Variants in MEI4 observed in about 807,000 individuals in gnomAD.
MEI4 encodes meiosis-specific protein MEI4.
A neutral mutation model predicts 31.4 loss-of-function variants in MEI4; 27 were observed. That is an observed-to-expected ratio of 0.86 (90% CI 0.63 to 1.19). The LOEUF is 1.19. Ranked by LOEUF, MEI4 falls within the 50% of genes most tolerant of loss-of-function variation. The probability of loss-of-function intolerance (pLI) is 0.00; values close to 1 mark genes in which losing one functional copy is unlikely to be tolerated. For synonymous variants in MEI4, 122 were observed against 145.4 expected, an observed-to-expected ratio of 0.84 and a Z score of 1.16; for missense variants, 329 against 398.9, an observed-to-expected ratio of 0.82 and a Z score of 1.49.
In MEI4 at chr6:77,790,067, A is replaced by G. The variant is rs562435890; in HGVS notation, c.768+28402A>G. Among the ~76,000 whole-genome samples the G allele has an allele frequency of 6.7e-4, 102 of 152,110 alleles. No homozygotes were observed. In the South Asian group the frequency reaches 0.011, roughly 17 times the overall value. Reference sequence around the variant, plus strand: ...TGGCACATATACACCATGGAATACTATGCAGCCATAAAAAATGATGAGTTC... The same window carrying G: ...TGGCACATATACACCATGGAATACTGTGCAGCCATAAAAAATGATGAGTTC... On this transcript the variant is annotated intron_variant, in intron 3 of 4. Coordinates refer to ENST00000684080, the MANE Select transcript of MEI4 (RefSeq NM_001322247.2).
In MEI4 at chr6:77,923,875, T is replaced by G. The variant is rs1001201061; in HGVS notation, c.*529T>G. The stretch of plus-strand genomic sequence containing the variant: ...ATAGAAGTAGAACTTTTTTAACATT[T>G]GGAAACTTAATTGCTTTTTATTTAT... On this transcript the variant is annotated 3_prime_UTR_variant, in exon 5 of 5. Transcript: ENST00000684080. 2.0e-5 allele frequency: 3 copies of G among 151,834 alleles called. No individual in the cohort carries two copies. Among genetic ancestry groups the G allele is most frequent in the African/African-American group, 7.2e-5 (3 of 41,418 alleles). 9.4% of individuals were successfully genotyped at this position (151,834 alleles called of 1,614,324 possible). A position where few individuals can be genotyped will look rare whatever the true frequency, so the allele number is the denominator to read the frequency against.
At chr6:77,714,138 A>G (rs1262229203) in intron 2 of MEI4, among the ~76,000 whole-genome samples, 1 of 151,944 alleles carries the variant, frequency 6.6e-6, no homozygotes, top group Non-Finnish European at 1.5e-5. Context: ...TTTATAATTG[A>G]GGGGCATTTA....
At chr6:77,790,692 C>G (rs1467850540) in intron 3 of MEI4, among the ~76,000 whole-genome samples, 1 of 152,068 alleles carries the variant, frequency 6.6e-6, no homozygotes, top group African/African-American at 2.4e-5. Flanking sequence ...TTTTGAGACT[C>G]ATGATCATAC....
chr6:77,699,831 T>C (rs1766170181), intron 2 of MEI4, among the ~76,000 whole-genome samples: 1 of 152,166 alleles, frequency 6.6e-6, no homozygotes, highest in Non-Finnish European at 1.5e-5. Context: ...TGTTGGAGTT[T>C]GCTGGAGGTC....
At chr6:77,831,230 A>T (rs1770071080) in intron 4 of MEI4, among the ~76,000 whole-genome samples, 1 of 151,782 alleles carries the variant, frequency 6.6e-6, no homozygotes, top group African/African-American at 2.4e-5. Context: ...CTCCAACTAG[A>T]ATTAAAAAGA....
At chr6:77,705,783 GT>G (rs1183778819) in intron 2 of MEI4, among the ~76,000 whole-genome samples, 2 of 152,158 alleles carry the variant, frequency 1.3e-5, no homozygotes, top group Non-Finnish European at 2.9e-5. Flanking sequence ...CAAAAACACT[GT>G]TTATGTGAAT....
chr6:77,733,304 A>T (rs929474126), intron 2 of MEI4, among the ~76,000 whole-genome samples: 1 of 151,934 alleles, frequency 6.6e-6, no homozygotes. Flanking sequence ...ACAATTTCAG[A>T]TCCTGTTATT....
chr6:77,696,126 CTT>C (rs1352160397), intron 2 of MEI4, among the ~76,000 whole-genome samples: 1 of 152,132 alleles, frequency 6.6e-6, no homozygotes, highest in Non-Finnish European at 1.5e-5. Flanking sequence ...TATCCTGAGA[CTT>C]TGCTGAAGTT....
intron 2 of MEI4, among the ~76,000 whole-genome samples, chr6:77,697,725 G>GA: frequency 6.6e-6 from 1 of 152,150 alleles, no homozygotes; most frequent in African/African-American, 2.4e-5. Flanking sequence ...GTGTGGTGCT[G>GA]AAAAAAGTAT....
chr6:77,903,011 C>G (rs1766217359), intron 4 of MEI4, among the ~76,000 whole-genome samples: 2 of 152,130 alleles, frequency 1.3e-5, no homozygotes, highest in African/African-American at 4.8e-5. Context: ...GGGCTCACAC[C>G]TTCCACTTTA....
At chr6:77,922,849 A>C (rs900849001) in intron 4 of MEI4, among the ~76,000 whole-genome samples, 3 of 151,758 alleles carry the variant, frequency 2.0e-5, no homozygotes, top group African/African-American at 7.3e-5. Context: ...GCAAGAATGC[A>C]GGGAAAGGAT....
chr6:77,776,244 A>T (rs1768439027), intron 3 of MEI4, among the ~76,000 whole-genome samples: 1 of 151,806 alleles, frequency 6.6e-6, no homozygotes, highest in African/African-American at 2.4e-5. Context: ...ACAATCACAG[A>T]TTCTAGGGAC....
intron 2 of MEI4, among the ~76,000 whole-genome samples, chr6:77,720,975 G>GT (rs1766697473): frequency 1.4e-5 from 1 of 69,258 alleles, no homozygotes; most frequent in Admixed American, 1.7e-4. Flanking sequence ...TGATAGGTTG[G>GT]TCAAAATCTT....
intron 2 of MEI4, among the ~76,000 whole-genome samples, chr6:77,696,714 G>A (rs1249652141): frequency 3.3e-5 from 5 of 151,788 alleles, no homozygotes; most frequent in South Asian, 2.1e-4. Flanking sequence ...AAGGATATTG[G>A]TCTAAAATTC....
At chr6:77,663,489 G>A (rs1768554492) in intron 1 of MEI4, among the ~76,000 whole-genome samples, 1 of 152,148 alleles carries the variant, frequency 6.6e-6, no homozygotes, top group Non-Finnish European at 1.5e-5. Flanking sequence ...TCCAGGAATA[G>A]TCAGGGAAGC....
At chr6:77,841,496 C>T (rs879793817) in intron 4 of MEI4, among the ~76,000 whole-genome samples, 1 of 150,808 alleles carries the variant, frequency 6.6e-6, no homozygotes, top group African/African-American at 2.4e-5. Flanking sequence ...TGTGCCACTA[C>T]TCGTGGCTAA....
At chr6:77,873,631 G>A (rs1771255708) in intron 4 of MEI4, among the ~76,000 whole-genome samples, 1 of 152,128 alleles carries the variant, frequency 6.6e-6, no homozygotes, top group African/African-American at 2.4e-5. Flanking sequence ...TGTCAATTTT[G>A]GCTTTTGTTG....
chr6:77,743,945 C>T (rs543733690), intron 2 of MEI4, among the ~76,000 whole-genome samples: 2 of 152,280 alleles, frequency 1.3e-5, no homozygotes, highest in African/African-American at 4.8e-5. Flanking sequence ...ACAGAAAGGA[C>T]ATCCACACCA....
rs1766666865 is a variant in MEI4, at chr6:77,719,475, GATAACGATA to G, written c.232+28573_232+28581del. Reference sequence around the variant, plus strand: ...CCTGGTGCTCTCCCTAGGCAAATAGGATAACGATACCCAATGGAAATATTTATCATCATC... The same window carrying G: ...CCTGGTGCTCTCCCTAGGCAAATAGGCCCAATGGAAATATTTATCATCATC... On this transcript the variant is annotated intron_variant, in intron 2 of 4. Coordinates refer to ENST00000684080, the MANE Select transcript of MEI4 (RefSeq NM_001322247.2). Among the ~76,000 whole-genome samples, 2 of 53,202 alleles carry G rather than the reference GATAACGATA, an allele frequency of 3.8e-5. 1 individual carries two copies. Among genetic ancestry groups the G allele is most frequent in the Admixed American group, 4.4e-4 (2 of 4,516 alleles). 34.9% of individuals were successfully genotyped at this position (53,202 alleles called of 152,430 possible). A position where few individuals can be genotyped will look rare whatever the true frequency, so the allele number is the denominator to read the frequency against.
Sources: gnomAD v4.1 joint callset for allele counts (sites outside exome capture counted in the v4.1 genomes callset) on GRCh38, gnomAD v4.1.1 for gene constraint, MANE v1.5 for transcripts, NCBI Gene and HGNC (gene_info 2026-07-23, HGNC 2026-07-21) for gene names.